ABCB1: variants seen among roughly 807,000 people sequenced by gnomAD.
ABCB1 encodes ATP-dependent translocase ABCB1.
Under a neutral mutation model 142.0 loss-of-function variants are expected in ABCB1, and 69 were observed. The ratio of observed to expected loss-of-function variants is 0.49; its 90% CI spans 0.40 to 0.59. ABCB1 has a LOEUF of 0.59. ABCB1 is among the 20% of genes least tolerant of loss of function. The pLI, the probability that ABCB1 is intolerant of heterozygous loss-of-function variation, is 0.00. For synonymous variants in ABCB1, 532 were observed against 539.2 expected (o/e 0.99, Z 0.18); for missense variants, 1,326 against 1,554.7 (o/e 0.85, Z 2.47).
intron 1 of ABCB1, among the ~76,000 whole-genome samples, chr7:87,671,658 G>T (rs533475666): frequency 2.6e-5 from 4 of 152,220 alleles, no homozygotes; most frequent in African/African-American, 9.6e-5. Context: ...TAAGAGGTGG[G>T]TAGAGACCTG....
At chr7:87,585,161 G>A (rs868328734) in intron 4 of ABCB1, among the ~76,000 whole-genome samples, 20 of 152,126 alleles carry the variant, frequency 1.3e-4, no homozygotes, top group African/African-American at 3.6e-4. Flanking sequence ...CCGACTTTTC[G>A]TCTTACACCC....
intron 1 of ABCB1, among the ~76,000 whole-genome samples, chr7:87,616,101 G>A (rs1482334542): frequency 1.3e-5 from 2 of 152,108 alleles, no homozygotes; most frequent in East Asian, 1.9e-4. Context: ...TATAGTAGTG[G>A]TATAAAATAA....
intron 5 of ABCB1, among the ~76,000 whole-genome samples, chr7:87,569,473 G>A (rs1042548260): frequency 2.6e-5 from 4 of 151,896 alleles, no homozygotes; most frequent in African/African-American, 9.7e-5. Context: ...TAAACTTCAA[G>A]ATATGTAAAT....
intron 1 of ABCB1, among the ~76,000 whole-genome samples, chr7:87,651,911 T>G (rs893525221): frequency 1.3e-5 from 2 of 152,164 alleles, no homozygotes; most frequent in African/African-American, 4.8e-5. Flanking sequence ...CTAATGCTTT[T>G]TTCTGTTAAA....
intron 1 of ABCB1, chr7:87,650,818 A>T: frequency 6.4e-7 from 1 of 1,568,476 alleles, no homozygotes. Flanking sequence ...TCTTTTTTTC[A>T]TAGGTTTTCT....
chr7:87,633,080 A>G (rs1052312441), intron 1 of ABCB1, among the ~76,000 whole-genome samples: 1 of 152,210 alleles, frequency 6.6e-6, no homozygotes, highest in Non-Finnish European at 1.5e-5. Flanking sequence ...TCAGAACTTG[A>G]ATATTATTTC....
chr7:87,589,135 C>A (rs1818882373), intron 3 of ABCB1, among the ~76,000 whole-genome samples: 1 of 152,082 alleles, frequency 6.6e-6, no homozygotes, highest in East Asian at 1.9e-4. Flanking sequence ...CTGAGTAGGA[C>A]AAAAGCCTCA....
intron 25 of ABCB1, among the ~76,000 whole-genome samples, chr7:87,513,410 A>C (rs767492675): frequency 1.6e-4 from 25 of 152,320 alleles, no homozygotes; most frequent in Middle Eastern, 3.4e-3. Flanking sequence ...CTTGCAGAAT[A>C]ATCATTAATT....
At chr7:87,629,941 A>G (rs1584944254) in intron 1 of ABCB1, among the ~76,000 whole-genome samples, 1 of 151,766 alleles carries the variant, frequency 6.6e-6, no homozygotes, top group South Asian at 2.1e-4. Flanking sequence ...AAAAAGAACT[A>G]TTTATAGTAA....
At chr7:87,701,207 AAAG>A (rs1363866188) in intron 1 of ABCB1, among the ~76,000 whole-genome samples, 1 of 152,230 alleles carries the variant, frequency 6.6e-6, no homozygotes, top group Non-Finnish European at 1.5e-5. Flanking sequence ...ATTTTACTGA[AAAG>A]AAAAACTTAT....
intron 4 of ABCB1, among the ~76,000 whole-genome samples, chr7:87,574,991 GC>G (rs1482907688): frequency 1.3e-5 from 2 of 152,064 alleles, no homozygotes; most frequent in African/African-American, 4.8e-5. Flanking sequence ...TACTACACAA[GC>G]CAGACCATTT....
chr7:87,570,131 T>C (rs755916921), intron 5 of ABCB1, 41 bp downstream of exon 5: 1 of 1,561,314 alleles, frequency 6.4e-7, no homozygotes, highest in Non-Finnish European at 8.8e-7. Flanking sequence ...ACTTGATGAA[T>C]ATAGAAAAAC....
At chr7:87,599,974 G>A (rs1056923350) in intron 2 of ABCB1, 143 bp downstream of exon 2, 11 of 779,244 alleles carry the variant, frequency 1.4e-5, no homozygotes, top group Non-Finnish European at 1.9e-5. Context: ...TCTAAGCAGG[G>A]ATATTGATTC....
chr7:87,622,808 A>T (rs1314651833), intron 1 of ABCB1, among the ~76,000 whole-genome samples: 1 of 152,200 alleles, frequency 6.6e-6, no homozygotes, highest in Non-Finnish European at 1.5e-5. Flanking sequence ...AGAAGGGAGG[A>T]TCGCATGAGA....
At chr7:87,694,094 G>GTTT in intron 1 of ABCB1, 1 of 1,416,408 alleles carries the variant, frequency 7.1e-7, no homozygotes. Flanking sequence ...TTTTTTGTGT[G>GTTT]TTTTTGTTTT....
chr7:87,649,825 A>C (rs967216484), intron 1 of ABCB1, among the ~76,000 whole-genome samples: 1 of 152,156 alleles, frequency 6.6e-6, no homozygotes, highest in Non-Finnish European at 1.5e-5. Context: ...CTGTTCTTGT[A>C]GTAGTGAATA....
chr7:87,600,308 G>A, intron 1 of ABCB1, 118 bp from the exon 2 acceptor site: 1 of 815,942 alleles, frequency 1.2e-6, no homozygotes, highest in Non-Finnish European at 2.1e-6. Flanking sequence ...GCCCGCCGTT[G>A]ATGCCCCAGC....
At chr7:87,548,122 GAGGGAAGGGGAGGGA>G (rs1201402381) in intron 14 of ABCB1, among the ~76,000 whole-genome samples, 6 of 98,100 alleles carry the variant, frequency 6.1e-5, no homozygotes, top group East Asian at 2.8e-4. Flanking sequence ...GATGGGAGGG[GAGGGAAGGGGAGGGA>G]AGGGAAGGGG....
In ABCB1 at chr7:87,619,385, A is replaced by G. The variant is rs547055076; in HGVS notation, c.-330-18307T>C. On this transcript the variant is annotated intron_variant, in intron 1 of 28. Coordinates refer to the ABCB1 transcript ENST00000265724. ...GAAACCCCGTCTCTACAAAAAATACAAAAATTAGCTGGGTATGGTGGCACA... is the reference window on the plus strand; with the variant it reads ...GAAACCCCGTCTCTACAAAAAATACGAAAATTAGCTGGGTATGGTGGCACA... Among the ~76,000 whole-genome samples, 15 of 152,158 alleles carry G rather than the reference A, an allele frequency of 9.9e-5. No homozygotes were observed. In the South Asian group the frequency reaches 2.9e-3, roughly 29 times the overall value.
Sources: gnomAD v4.1 joint callset for allele counts (sites outside exome capture counted in the v4.1 genomes callset) on GRCh38, gnomAD v4.1.1 for gene constraint, MANE v1.5 for transcripts, NCBI Gene and HGNC (gene_info 2026-07-23, HGNC 2026-07-21) for gene names.